KLF12: variants seen among roughly 807,000 people sequenced by gnomAD.
KLF12 encodes the protein Krueppel-like factor 12.
A neutral mutation model predicts 37.8 loss-of-function variants in KLF12; 9 were observed. The ratio of observed to expected loss-of-function variants is 0.24; its 90% CI spans 0.14 to 0.42. KLF12 has a LOEUF of 0.42. Ranked by LOEUF, KLF12 falls within the 10% of genes least tolerant of loss-of-function variation. KLF12 has a pLI of 1.00. For missense variants in KLF12, 411 were observed against 516.0 expected (o/e 0.80, Z 1.97); for synonymous variants, 208 against 202.1 (o/e 1.03, Z -0.25).
At chr13:73,785,920 C>A (rs1881312082) in intron 5 of KLF12, among the ~76,000 whole-genome samples, 1 of 152,156 alleles carries the variant, frequency 6.6e-6, no homozygotes, top group South Asian at 2.1e-4. Context: ...TTCCTTCCAG[C>A]CCCCTGTCTT....
At chr13:73,905,464 A>AT (rs1888237234) in intron 3 of KLF12, among the ~76,000 whole-genome samples, 1 of 151,950 alleles carries the variant, frequency 6.6e-6, no homozygotes, top group South Asian at 2.1e-4. Context: ...TGAACCCAAC[A>AT]TATCTTAACC....
chr13:74,019,473 T>C (rs1892785521), intron 1 of KLF12, among the ~76,000 whole-genome samples: 1 of 152,242 alleles, frequency 6.6e-6, no homozygotes, highest in East Asian at 1.9e-4. Flanking sequence ...TTTCCATTTA[T>C]GCTGTTCATG....
At chr13:74,076,636 CTTTTTAT>C (rs1332672292) in intron 1 of KLF12, among the ~76,000 whole-genome samples, 1 of 152,112 alleles carries the variant, frequency 6.6e-6, no homozygotes, top group Non-Finnish European at 1.5e-5. Flanking sequence ...CATGAATTTC[CTTTTTAT>C]TTTTTAACTT....
At chr13:74,232,040 T>C in the KLF12 span, among the ~76,000 whole-genome samples, 1 of 152,236 alleles carries the variant, frequency 6.6e-6, no homozygotes, top group African/African-American at 2.4e-5. Context: ...ATGTTTACTA[T>C]ATGATTTCAT....
chr13:73,821,228 T>C (rs1312057069), intron 4 of KLF12, among the ~76,000 whole-genome samples: 1 of 152,200 alleles, frequency 6.6e-6, no homozygotes, highest in Non-Finnish European at 1.5e-5. Context: ...GTCTGCCTCT[T>C]TATTGGTGAG....
At chr13:73,763,709 G>A (rs1190784508) in intron 6 of KLF12, among the ~76,000 whole-genome samples, 5 of 152,122 alleles carry the variant, frequency 3.3e-5, no homozygotes, top group African/African-American at 7.2e-5. Context: ...AGCTTGTGGC[G>A]TGTGATAAGT....
the KLF12 span, among the ~76,000 whole-genome samples, chr13:74,201,679 A>C: frequency 1.3e-5 from 2 of 152,126 alleles, no homozygotes; most frequent in Non-Finnish European, 2.9e-5. Context: ...GCAGAGATGT[A>C]ATTCAGAGGG....
At chr13:74,263,567 T>C in the KLF12 span, among the ~76,000 whole-genome samples, 1 of 152,230 alleles carries the variant, frequency 6.6e-6, no homozygotes, top group Non-Finnish European at 1.5e-5. Context: ...AGTGAGTTAC[T>C]GAGTTTAATT....
chr13:73,788,534 C>T (rs1881485671), intron 5 of KLF12, among the ~76,000 whole-genome samples: 2 of 152,186 alleles, frequency 1.3e-5, no homozygotes, highest in African/African-American at 4.8e-5. Context: ...ATGGTGACTG[C>T]CAAGGGCTGT....
chr13:74,138,919 C>A (rs1878632721), upstream of KLF12, among the ~76,000 whole-genome samples: 1 of 152,186 alleles, frequency 6.6e-6, no homozygotes, highest in Non-Finnish European at 1.5e-5. Context: ...TGATCTTCCT[C>A]TGTCTTCTCT....
the KLF12 span, among the ~76,000 whole-genome samples, chr13:74,283,881 A>G: frequency 6.8e-6 from 1 of 147,400 alleles, no homozygotes; most frequent in South Asian, 2.1e-4. Context: ...TTTCCCCAAG[A>G]TAGAGTCTTG....
the KLF12 span, among the ~76,000 whole-genome samples, chr13:74,217,666 G>A: frequency 2.0e-5 from 3 of 152,152 alleles, no homozygotes; most frequent in Non-Finnish European, 4.4e-5. Context: ...GGCGGAGGTT[G>A]CAGTGAGCCG....
intron 1 of KLF12, among the ~76,000 whole-genome samples, chr13:74,007,284 T>C (rs1892433602): frequency 7.9e-6 from 1 of 127,288 alleles, no homozygotes; most frequent in Admixed American, 8.1e-5. Context: ...GATATTTTTA[T>C]TTTTTTTTTT....
chr13:73,731,559 GTT>G (rs1288704253), intron 6 of KLF12, among the ~76,000 whole-genome samples: 1 of 123,760 alleles, frequency 8.1e-6, no homozygotes, highest in Non-Finnish European at 1.7e-5. Context: ...AAAAAGCATA[GTT>G]TTTGTTTATT....
intron 1 of KLF12, among the ~76,000 whole-genome samples, chr13:74,116,112 A>C (rs544069494): frequency 6.6e-6 from 1 of 152,332 alleles, no homozygotes; most frequent in African/African-American, 2.4e-5. Flanking sequence ...GAAAAGTGGA[A>C]ACAGGAAAAC....
At chr13:73,996,744 G>A (rs1892130992) in intron 1 of KLF12, among the ~76,000 whole-genome samples, 1 of 152,026 alleles carries the variant, frequency 6.6e-6, no homozygotes, top group Admixed American at 6.6e-5. Context: ...GCCTCCTCTG[G>A]ACAGACACAA....
intron 2 of KLF12, among the ~76,000 whole-genome samples, chr13:73,975,790 C>A (rs1891500046): frequency 6.6e-6 from 1 of 152,154 alleles, no homozygotes; most frequent in South Asian, 2.1e-4. Flanking sequence ...CTCCACCACT[C>A]CTAACCCTCC....
chr13:73,955,429 T>C (rs1158640016), intron 2 of KLF12, among the ~76,000 whole-genome samples: 3 of 152,188 alleles, frequency 2.0e-5, no homozygotes, highest in Admixed American at 6.5e-5. Context: ...GTGGAATACA[T>C]TAATATATAA....
At chr13:74,198,024 A>G in the KLF12 span, among the ~76,000 whole-genome samples, 3 of 152,102 alleles carry the variant, frequency 2.0e-5, no homozygotes, top group East Asian at 5.8e-4. Flanking sequence ...GAGAGAAGAG[A>G]AAAAAAGAAA....
Sources: allele counts gnomAD v4.1 joint callset (sites outside exome capture counted in the v4.1 genomes callset), GRCh38; gene constraint gnomAD v4.1.1; transcripts MANE v1.5; gene names NCBI Gene and HGNC (gene_info 2026-07-23, HGNC 2026-07-21).